Variants in TADA2A observed in about 807,000 individuals in gnomAD.
The protein encoded by TADA2A is transcriptional adaptor 2A, also known as transcriptional adapter 2-alpha.
TADA2A carries 38 observed loss-of-function variants against 67.4 expected under a neutral mutation model. That is an observed-to-expected ratio of 0.56 (90% CI 0.44 to 0.74). The LOEUF (loss-of-function observed/expected upper bound fraction) is 0.74. Among genes scored for constraint, TADA2A ranks in the 30% least tolerant of loss-of-function variants. The pLI is 0.00. For missense variants in TADA2A, 454 were observed against 547.0 expected, an observed-to-expected ratio of 0.83 and a Z score of 1.70; for synonymous variants, 192 against 181.6, an observed-to-expected ratio of 1.06 and a Z score of -0.46.
At chr17:37,450,059 G>A (rs772961707) in intron 8 of TADA2A, among the ~76,000 whole-genome samples, 1 of 152,096 alleles carries the variant, frequency 6.6e-6, no homozygotes, top group Non-Finnish European at 1.5e-5. Context: ...ATACATTAAC[G>A]ATAGCTGATG....
At chr17:37,476,274 AC>A (rs1490319539) in intron 15 of TADA2A, among the ~76,000 whole-genome samples, 2 of 152,128 alleles carry the variant, frequency 1.3e-5, no homozygotes, top group Non-Finnish European at 2.9e-5. Context: ...AGTTAAAGTT[AC>A]CTCCTCTTAG....
intron 2 of TADA2A, 69 bp from the exon 3 acceptor site, chr17:37,423,440 T>G (rs1402528080): frequency 8.2e-7 from 1 of 1,222,484 alleles, no homozygotes; most frequent in Non-Finnish European, 1.2e-6. Context: ...TTTGGGGATT[T>G]TCACCTTTTT....
intron 2 of TADA2A, among the ~76,000 whole-genome samples, chr17:37,418,651 G>A (rs1463274482): frequency 3.3e-5 from 5 of 151,598 alleles, no homozygotes; most frequent in Non-Finnish European, 5.9e-5. Flanking sequence ...GAGTGCAGTG[G>A]CGTGATCTCG....
intron 1 of TADA2A, among the ~76,000 whole-genome samples, chr17:37,410,253 T>G (rs868215033): frequency 2.0e-5 from 3 of 151,390 alleles, no homozygotes; most frequent in South Asian, 4.2e-4. Context: ...GGTGGCTCAC[T>G]GCATCCTCGA....
intron 14 of TADA2A, among the ~76,000 whole-genome samples, chr17:37,472,597 C>A (rs1385064121): frequency 6.6e-6 from 1 of 151,780 alleles, no homozygotes; most frequent in Non-Finnish European, 1.5e-5. Flanking sequence ...TGGCTCATGC[C>A]TGTAATCCCA....
intron 8 of TADA2A, 50 bp from the exon 9 acceptor site, chr17:37,458,474 T>A: frequency 8.6e-7 from 1 of 1,159,392 alleles, no homozygotes; most frequent in Non-Finnish European, 1.1e-6. Flanking sequence ...TTTATTTATA[T>A]AATATATATA....
chr17:37,423,618 AACTC>A lies in TADA2A; in HGVS notation c.132+7_132+10del, dbSNP rs757873877. The A allele has an allele frequency of 1.9e-6, 3 of 1,607,238 alleles. No homozygotes were observed. The East Asian group carries it at 6.7e-5, about 36-fold the overall frequency. Reference sequence around the variant, plus strand: ...CTCCTTTTTTCCTCTGCTTGCAGGTAACTCACTAATGCTGGCTTCTCCTAGCCTA... The same window carrying A: ...CTCCTTTTTTCCTCTGCTTGCAGGTAACTAATGCTGGCTTCTCCTAGCCTA... On this transcript the variant is annotated splice_donor_5th_base_variant and intron_variant, in intron 3 of 15. Coordinates refer to ENST00000615182, the MANE Select transcript of TADA2A (RefSeq NM_001166105.3).
chr17:37,434,613 A>G (rs1458322535), intron 4 of TADA2A, among the ~76,000 whole-genome samples: 1 of 152,184 alleles, frequency 6.6e-6, no homozygotes, highest in Non-Finnish European at 1.5e-5. Context: ...ATTTAGGACC[A>G]TTGTCTGGAT....
intron 4 of TADA2A, chr17:37,436,494 G>T (rs1225436210): frequency 6.6e-6 from 1 of 152,142 alleles, no homozygotes; most frequent in Non-Finnish European, 1.5e-5. Context: ...GAGTAGCTGG[G>T]ACTACAGGTG....
intron 14 of TADA2A, 135 bp downstream of exon 14, chr17:37,471,272 A>G (rs2053781787): frequency 3.7e-6 from 3 of 809,628 alleles, no homozygotes; most frequent in Admixed American, 2.2e-5. Flanking sequence ...TGTTAGCCCA[A>G]TATATAAACA....
chr17:37,463,515 G>A lies in TADA2A; in HGVS notation c.712+1394G>A, dbSNP rs558117976. Among the ~76,000 whole-genome samples, 21 of 151,824 alleles carry A rather than the reference G, an allele frequency of 1.4e-4. No individual in the cohort carries two copies. In the East Asian group the frequency reaches 3.3e-3, roughly 24 times the overall value. On this transcript the variant is annotated intron_variant, in intron 10 of 15. Transcript: ENST00000615182. Reference sequence around the variant, plus strand: ...CAGCTACTTGGGAGGCTGAGGCAGCGGATCACTTGAGCCCAGGAGTTCAAG... The same window carrying A: ...CAGCTACTTGGGAGGCTGAGGCAGCAGATCACTTGAGCCCAGGAGTTCAAG...
At chr17:37,476,581 A>C (rs1351277785) in intron 15 of TADA2A, among the ~76,000 whole-genome samples, 1 of 152,156 alleles carries the variant, frequency 6.6e-6, no homozygotes, top group Non-Finnish European at 1.5e-5. Context: ...AGGCTCTTCT[A>C]GTATCACACC....
At chr17:37,469,204 G>T (rs2053732471) in intron 12 of TADA2A, among the ~76,000 whole-genome samples, 1 of 151,858 alleles carries the variant, frequency 6.6e-6, no homozygotes, top group Non-Finnish European at 1.5e-5. Context: ...ACCACGCCCG[G>T]CAATAGTTGG....
In TADA2A at chr17:37,462,065, C is replaced by T. The variant is rs1568177346; in HGVS notation, c.669-13C>T. ...AATTCTAATGCACAAATTATTGTGG[C>T]TTTTCATTCTAGAATTATAAGAGAC... On this transcript the variant is annotated splice_polypyrimidine_tract_variant and intron_variant, in intron 9 of 15. Coordinates refer to ENST00000615182, the MANE Select transcript of TADA2A (RefSeq NM_001166105.3). 2 of 1,558,544 alleles carry T rather than the reference C, an allele frequency of 1.3e-6. No individual in the cohort carries two copies. Among genetic ancestry groups the T allele is most frequent in the Admixed American group, 1.8e-5 (1 of 56,610 alleles).
chr17:37,420,319 C>T (rs1293585596), intron 2 of TADA2A, among the ~76,000 whole-genome samples: 1 of 145,728 alleles, frequency 6.9e-6, no homozygotes, highest in Admixed American at 7.0e-5. Flanking sequence ...AATGGAGTAG[C>T]TGCGCAGTTT....
At chr17:37,441,466 T>G (rs1342406925) in intron 6 of TADA2A, among the ~76,000 whole-genome samples, 1 of 152,212 alleles carries the variant, frequency 6.6e-6, no homozygotes, top group Non-Finnish European at 1.5e-5. Context: ...GGCGAACTTT[T>G]TAATCTCATG....
At chr17:37,415,557 T>G (rs865892714) in intron 2 of TADA2A, among the ~76,000 whole-genome samples, 14 of 152,150 alleles carry the variant, frequency 9.2e-5, no homozygotes, top group African/African-American at 3.4e-4. Flanking sequence ...ATATGAGTTG[T>G]ACTATTTTGT....
intron 8 of TADA2A, among the ~76,000 whole-genome samples, chr17:37,456,961 T>C (rs1440188249): frequency 6.6e-6 from 1 of 152,072 alleles, no homozygotes; most frequent in Non-Finnish European, 1.5e-5. Context: ...CAGGAAAGGA[T>C]TGGGTCCCAG....
intron 13 of TADA2A, 88 bp downstream of exon 13, chr17:37,470,620 TA>T: frequency 7.5e-7 from 1 of 1,335,744 alleles, no homozygotes; most frequent in African/African-American, 1.5e-5. Flanking sequence ...GATGGCAGAG[TA>T]ATAATAATTG....
Sources: allele counts gnomAD v4.1 joint callset (sites outside exome capture counted in the v4.1 genomes callset), GRCh38; gene constraint gnomAD v4.1.1; transcripts MANE v1.5; gene names NCBI Gene and HGNC (gene_info 2026-07-23, HGNC 2026-07-21).